COP1: variants seen among roughly 807,000 people sequenced by gnomAD.
The protein encoded by COP1 is COP1 E3 ubiquitin ligase, also known as E3 ubiquitin-protein ligase COP1.
COP1 carries 24 observed loss-of-function variants against 101.3 expected under a neutral mutation model. The ratio of observed to expected loss-of-function variants is 0.24; its 90% confidence interval spans 0.17 to 0.33. The LOEUF is 0.33. COP1 is among the 10% of genes least tolerant of loss of function. The pLI is 1.00. For synonymous variants in COP1, 347 were observed against 341.9 expected (o/e 1.01, Z -0.17); for missense variants, 663 against 906.2 (o/e 0.73, Z 3.45).
rs182794141 is a variant in COP1, at chr1:176,141,454, T to C, written c.832-4907A>G. On this transcript the variant is annotated intron_variant, in intron 6 of 19. Transcript: ENST00000367669. ...AGGTGCAGGTTGCAGTGAGGCGAGA[T>C]AGTGCCACTGCACTCCAGCCTGGGC... Among the ~76,000 whole-genome samples, 316 of 152,256 alleles carry C rather than the reference T, an allele frequency of 2.1e-3. 5 individuals are homozygous for C. The highest frequency in any genetic ancestry group is 1.5e-4 in the Non-Finnish European group (10 of 68,002).
intron 3 of COP1, among the ~76,000 whole-genome samples, chr1:176,173,344 A>AAAC (rs397982033): frequency 6.9e-6 from 1 of 145,266 alleles, no homozygotes; most frequent in Non-Finnish European, 1.5e-5. Context: ...AAAAAAAAAA[A>AAAC]CCAGTAATTG....
At chr1:176,104,921 T>C (rs1684060744) in intron 9 of COP1, among the ~76,000 whole-genome samples, 1 of 152,140 alleles carries the variant, frequency 6.6e-6, no homozygotes, top group Non-Finnish European at 1.5e-5. Context: ...TTAAGTAAAT[T>C]ACAGTACAAC....
At position 176,059,291 on chromosome 1, in the gene COP1, TTA is replaced by T. The variant is rs535884233; in HGVS notation, c.1278-12969_1278-12968del. Among the ~76,000 whole-genome samples the T allele has an allele frequency of 6.0e-3, 914 of 152,266 alleles. 6 individuals carry two copies. The highest frequency in any genetic ancestry group is 9.4e-3 in the Non-Finnish European group (642 of 68,016). On this transcript the variant is annotated intron_variant, in intron 11 of 19. Transcript: ENST00000367669. ...AAGCATTGTGAACCTAAGAAAAAAA[TTA>T]TCTTTGTATGGCAATAAAACAAGTG...
At chr1:176,141,844 C>A (rs1000610268) in intron 6 of COP1, among the ~76,000 whole-genome samples, 16 of 151,980 alleles carry the variant, frequency 1.1e-4, no homozygotes, top group Non-Finnish European at 2.9e-5. Context: ...AATTCTCTCA[C>A]CTCAGCCTCC....
intron 1 of COP1, among the ~76,000 whole-genome samples, chr1:176,187,556 C>T (rs943927589): frequency 5.3e-5 from 8 of 152,082 alleles, no homozygotes; most frequent in Non-Finnish European, 8.8e-5. Flanking sequence ...GGCTGAAATA[C>T]TGGCTTTTTA....
intron 18 of COP1, among the ~76,000 whole-genome samples, chr1:175,961,231 A>G (rs965921910): frequency 6.6e-6 from 1 of 152,206 alleles, no homozygotes; most frequent in Non-Finnish European, 1.5e-5. Context: ...ACCCTGTCAT[A>G]GATCTAACTA....
At chr1:176,006,608 A>G (rs979907196) in intron 15 of COP1, among the ~76,000 whole-genome samples, 1 of 152,124 alleles carries the variant, frequency 6.6e-6, no homozygotes, top group African/African-American at 2.4e-5. Flanking sequence ...TTGCTTACGA[A>G]GCTTAGTTTG....
At chr1:176,016,405 C>G (rs1571694253) in intron 15 of COP1, among the ~76,000 whole-genome samples, 1 of 152,106 alleles carries the variant, frequency 6.6e-6, no homozygotes, top group East Asian at 1.9e-4. Context: ...GTGTTGACTA[C>G]TACTGAGAGA....
intron 14 of COP1, among the ~76,000 whole-genome samples, chr1:176,042,106 C>G (rs191654189): frequency 1.3e-5 from 2 of 150,288 alleles, no homozygotes; most frequent in Non-Finnish European, 3.0e-5. Flanking sequence ...AGCGAGATTA[C>G]GTCTCAAAAA....
At chr1:176,136,303 T>C (rs2149738904) in intron 7 of COP1, among the ~76,000 whole-genome samples, 185 bp downstream of exon 7, 1 of 152,206 alleles carries the variant, frequency 6.6e-6, no homozygotes, top group South Asian at 2.1e-4. Flanking sequence ...ATTTAGACTA[T>C]ATTTTATCAA....
chr1:176,012,987 C>T (rs1664955155), intron 15 of COP1, among the ~76,000 whole-genome samples: 1 of 151,994 alleles, frequency 6.6e-6, no homozygotes, highest in Non-Finnish European at 1.5e-5. Context: ...ATCCCCATGC[C>T]CTCCATACCA....
intron 10 of COP1, among the ~76,000 whole-genome samples, chr1:176,082,231 CAA>C (rs1463388374): frequency 2.0e-5 from 3 of 152,114 alleles, no homozygotes; most frequent in Non-Finnish European, 2.9e-5. Context: ...GAAACTGAGA[CAA>C]GTTTGTTATA....
intron 18 of COP1, among the ~76,000 whole-genome samples, chr1:175,983,813 T>C (rs935533290): frequency 2.6e-4 from 40 of 152,150 alleles, no homozygotes; most frequent in Non-Finnish European, 7.3e-5. Context: ...AGAAGACTCT[T>C]GTTATGTTTT....
chr1:175,989,302 G>T (rs1657855244), intron 16 of COP1, 60 bp downstream of exon 16: 5 of 817,556 alleles, frequency 6.1e-6, no homozygotes, highest in Non-Finnish European at 1.1e-5. Flanking sequence ...GACATTACAA[G>T]CTGGTAGGTA....
chr1:175,997,896 T>A (rs1368935553), intron 15 of COP1, among the ~76,000 whole-genome samples: 2 of 151,994 alleles, frequency 1.3e-5, no homozygotes, highest in Non-Finnish European at 2.9e-5. Context: ...ATCCCATTAC[T>A]GGGTATATAC....
At position 176,093,566 on chromosome 1, in the gene COP1, G is replaced by A. The variant is rs866994113; in HGVS notation, c.1027-7676C>T. 3.9e-5 allele frequency among the ~76,000 whole-genome samples: 6 copies of A among 152,042 alleles called. No individual in the cohort carries two copies. The South Asian group carries it at 1.0e-3, about 26-fold the overall frequency. On this transcript the variant is annotated intron_variant, in intron 9 of 19. Transcript: ENST00000367669. ...AAAATATAAAAATTAGTGGCCAGGT[G>A]CGGTGGCTCACACCTGTAATCCCAG...
intron 11 of COP1, among the ~76,000 whole-genome samples, chr1:176,060,732 G>A (rs1674694716): frequency 6.6e-6 from 1 of 152,076 alleles, no homozygotes; most frequent in African/African-American, 2.4e-5. Flanking sequence ...AAGGACTAAC[G>A]TGGAGCAAAA....
intron 18 of COP1, among the ~76,000 whole-genome samples, chr1:175,976,009 G>T (rs1329859495): frequency 1.3e-5 from 2 of 151,996 alleles, no homozygotes; most frequent in Non-Finnish European, 1.5e-5. Flanking sequence ...TTAGTAAAGG[G>T]AAAATCAGTT....
intron 18 of COP1, among the ~76,000 whole-genome samples, chr1:175,961,935 T>C (rs185258391): frequency 3.3e-5 from 5 of 151,868 alleles, no homozygotes; most frequent in East Asian, 3.9e-4. Flanking sequence ...TTTGGAATGA[T>C]GACAAATTGT....
Sources: allele counts gnomAD v4.1 joint callset (sites outside exome capture counted in the v4.1 genomes callset), GRCh38; gene constraint gnomAD v4.1.1; transcripts MANE v1.5; gene names NCBI Gene and HGNC (gene_info 2026-07-23, HGNC 2026-07-21).